SORCS2: variants seen among roughly 807,000 people sequenced by gnomAD.
The protein encoded by SORCS2 is VPS10 domain-containing receptor SorCS2.
Under a neutral mutation model 141.6 loss-of-function variants are expected in SORCS2, and 100 were observed. That is an observed-to-expected ratio of 0.71 (90% CI 0.60 to 0.83). SORCS2 has a LOEUF of 0.83. Among genes scored for constraint, SORCS2 ranks in the 40% least tolerant of loss-of-function variants. SORCS2 has a pLI of 0.00. For synonymous variants in SORCS2, 789 were observed against 676.9 expected, an observed-to-expected ratio of 1.17 and a Z score of -2.57; for missense variants, 1,646 against 1,560.2, an observed-to-expected ratio of 1.05 and a Z score of -0.93.
chr4:7,243,063 C>T (rs576269716), intron 1 of SORCS2, among the ~76,000 whole-genome samples: 3 of 152,246 alleles, frequency 2.0e-5, no homozygotes, highest in East Asian at 1.9e-4. Context: ...AGGGTTGGCT[C>T]GGCGCCCTGG....
intron 3 of SORCS2, among the ~76,000 whole-genome samples, chr4:7,573,989 A>G (rs1344726849): frequency 6.6e-6 from 1 of 152,202 alleles, no homozygotes; most frequent in African/African-American, 2.4e-5. Context: ...CTCTTCCTGA[A>G]TGTCACCTTC....
chr4:7,384,811 G>T (rs780442570), intron 1 of SORCS2, among the ~76,000 whole-genome samples: 24 of 152,230 alleles, frequency 1.6e-4, no homozygotes, highest in African/African-American at 5.5e-4. Flanking sequence ...CAGCAGGCAC[G>T]GGCACGTAGA....
intron 4 of SORCS2, among the ~76,000 whole-genome samples, chr4:7,642,661 G>T (rs1720822910): frequency 6.6e-6 from 1 of 152,144 alleles, no homozygotes; most frequent in Non-Finnish European, 1.5e-5. Flanking sequence ...ATCATACTGA[G>T]TAACACACAG....
intron 3 of SORCS2, among the ~76,000 whole-genome samples, chr4:7,620,764 G>A (rs1719111841): frequency 6.6e-6 from 1 of 152,176 alleles, no homozygotes; most frequent in South Asian, 2.1e-4. Context: ...AGAAACTGAA[G>A]CTGAAGCTGA....
chr4:7,421,212 C>G (rs1405929356), intron 2 of SORCS2, among the ~76,000 whole-genome samples: 1 of 152,194 alleles, frequency 6.6e-6, no homozygotes, highest in African/African-American at 2.4e-5. Context: ...AGAGGGGGCA[C>G]CCACCTGGGT....
chr4:7,403,998 T>TATATATA (rs59841056), intron 2 of SORCS2, among the ~76,000 whole-genome samples: 400 of 12,210 alleles, frequency 0.033, 10 homozygotes, highest in Non-Finnish European at 0.045. Context: ...TATATATATA[T>TATATATA]TTTTTTTTTT....
At chr4:7,573,801 C>A (rs552669531) in intron 3 of SORCS2, among the ~76,000 whole-genome samples, 1 of 152,338 alleles carries the variant, frequency 6.6e-6, no homozygotes, top group South Asian at 2.1e-4. Context: ...CTTTAGGGTA[C>A]ACAGTGGACC....
intron 2 of SORCS2, among the ~76,000 whole-genome samples, chr4:7,513,691 C>T (rs996462458): frequency 1.3e-5 from 2 of 152,210 alleles, no homozygotes; most frequent in Non-Finnish European, 2.9e-5. Flanking sequence ...GCCCCAGATC[C>T]TCAGATCTGT....
chr4:7,674,525 G>C (rs1160486883), intron 8 of SORCS2, among the ~76,000 whole-genome samples: 5 of 143,360 alleles, frequency 3.5e-5, no homozygotes, highest in African/African-American at 1.3e-4. Context: ...AGTGAGCTGA[G>C]ATTGCGCCAT....
intron 3 of SORCS2, among the ~76,000 whole-genome samples, chr4:7,598,743 A>C (rs1717452101): frequency 6.6e-6 from 1 of 152,188 alleles, no homozygotes; most frequent in Non-Finnish European, 1.5e-5. Flanking sequence ...AATAGACATA[A>C]TATTCTTCAA....
chr4:7,698,544 C>G (rs1337689977), intron 12 of SORCS2, among the ~76,000 whole-genome samples: 3 of 152,178 alleles, frequency 2.0e-5, no homozygotes, highest in Non-Finnish European at 2.9e-5. Context: ...AGAAGATTCC[C>G]CCGTATTAGA....
chr4:7,518,168 T>G (rs1441261485), intron 2 of SORCS2, among the ~76,000 whole-genome samples: 1 of 152,234 alleles, frequency 6.6e-6, no homozygotes, highest in Non-Finnish European at 1.5e-5. Flanking sequence ...TGTTTCATTA[T>G]TTTTAAAGGA....
intron 2 of SORCS2, among the ~76,000 whole-genome samples, chr4:7,489,878 G>A (rs1731213336): frequency 6.6e-6 from 1 of 152,178 alleles, no homozygotes; most frequent in Non-Finnish European, 1.5e-5. Flanking sequence ...ACACTGACAG[G>A]GCTCTGGAGC....
In SORCS2 at chr4:7,671,908, A is replaced by G. The variant is rs113693730; in HGVS notation, c.1162-4142A>G. Among the ~76,000 whole-genome samples, 715 of 152,042 alleles carry G rather than the reference A, an allele frequency of 4.7e-3. 7 individuals carry two copies. The highest frequency in any genetic ancestry group is 0.016 in the African/African-American group (651 of 41,478). ...TGATAAACACAAAGAGATCCACACC[A>G]AGACACATAACCAAACTGTCAAAAG... On this transcript the variant is annotated intron_variant, in intron 8 of 26. Transcript: ENST00000507866.
intron 3 of SORCS2, among the ~76,000 whole-genome samples, chr4:7,547,807 A>T (rs929638022): frequency 6.6e-6 from 1 of 152,202 alleles, no homozygotes; most frequent in African/African-American, 2.4e-5. Context: ...CCAGGGCAGG[A>T]ACTCTGTCTC....
At chr4:7,315,138 C>G (rs1052244007) in intron 1 of SORCS2, among the ~76,000 whole-genome samples, 1 of 152,050 alleles carries the variant, frequency 6.6e-6, no homozygotes, top group Non-Finnish European at 1.5e-5. Flanking sequence ...TGGCCTTGTC[C>G]GCTGTTCTTC....
intron 2 of SORCS2, among the ~76,000 whole-genome samples, chr4:7,527,471 G>A (rs1310067927): frequency 1.3e-5 from 2 of 152,126 alleles, no homozygotes; most frequent in Admixed American, 6.5e-5. Flanking sequence ...AGTGGGCCTC[G>A]GGGCCTCGGG....
intron 3 of SORCS2, among the ~76,000 whole-genome samples, chr4:7,591,426 G>A (rs1716906044): frequency 6.6e-6 from 1 of 152,168 alleles, no homozygotes; most frequent in Admixed American, 6.5e-5. Context: ...GCTCCATCAG[G>A]CCATCCAGGG....
intron 4 of SORCS2, among the ~76,000 whole-genome samples, chr4:7,651,619 A>T (rs1721453326): frequency 6.6e-6 from 1 of 152,220 alleles, no homozygotes. Context: ...GGTTTATTGG[A>T]GGAAGTTACA....
Sources: gnomAD v4.1 joint callset for allele counts (sites outside exome capture counted in the v4.1 genomes callset) on GRCh38, gnomAD v4.1.1 for gene constraint, MANE v1.5 for transcripts, NCBI Gene and HGNC (gene_info 2026-07-23, HGNC 2026-07-21) for gene names.